The following RNF38 variants were observed in gnomAD, a reference collection of about 807,000 sequenced individuals.
RNF38 encodes the protein E3 ubiquitin-protein ligase RNF38.
A neutral mutation model predicts 67.2 loss-of-function variants in RNF38; 15 were observed. The ratio of observed to expected loss-of-function variants is 0.22; its 90% CI spans 0.15 to 0.34. RNF38 has a LOEUF of 0.34. Ranked by LOEUF, RNF38 falls within the 10% of genes least tolerant of loss-of-function variation. The probability of loss-of-function intolerance (pLI) is 1.00; values close to 1 mark genes in which losing one functional copy is unlikely to be tolerated. For missense variants in RNF38, 524 were observed against 639.9 expected, an observed-to-expected ratio of 0.82 and a Z score of 1.95; for synonymous variants, 220 against 218.8, an observed-to-expected ratio of 1.01 and a Z score of -0.05.
At position 36,376,113 on chromosome 9, in the gene RNF38, T is replaced by C; in HGVS notation, c.177A>G (p.Pro59=). 3 of 1,582,056 alleles carry C rather than the reference T, an allele frequency of 1.9e-6. No individual in the cohort carries two copies. The highest frequency in any genetic ancestry group is 1.4e-5 in the African/African-American group (1 of 73,258). The part of the protein sequence containing the change: ...FKAFFQSEDS[P]SPKRQRLSHS... ...GAGAGAGGCGCTGTCTCTTAGGACT[T>C]GGACTATCTTCACTCTGCCAATGCA... is the stretch of plus-strand genomic sequence containing the variant. Residue 59 remains proline, a synonymous_variant, in exon 3 of 12, where the codon CCA becomes CCG. Transcript: ENST00000259605.
chr9:36,483,114 C>T (rs1840317295), intron 1 of RNF38, among the ~76,000 whole-genome samples: 1 of 152,142 alleles, frequency 6.6e-6, no homozygotes, highest in African/African-American at 2.4e-5. Flanking sequence ...CGGCCAGGCA[C>T]GGCTGTTCAC....
intron 3 of RNF38, among the ~76,000 whole-genome samples, chr9:36,375,662 A>G (rs1047960056): frequency 1.3e-5 from 2 of 152,234 alleles, no homozygotes; most frequent in African/African-American, 4.8e-5. Context: ...AGGCTAGTCC[A>G]CAACAATCTG....
chr9:36,467,282 G>C (rs74328784), intron 1 of RNF38, among the ~76,000 whole-genome samples: 6,574 of 137,334 alleles, frequency 0.048, 498 homozygotes, highest in African/African-American at 0.16. Context: ...TACATATATG[G>C]GTAACAGTAA....
At chr9:36,424,514 C>T in intron 2 of RNF38, 1 of 340,240 alleles carries the variant, frequency 2.9e-6, no homozygotes, top group Non-Finnish European at 4.2e-6. Context: ...CCCCACAAAT[C>T]ACACTCTTCT....
intron 2 of RNF38, among the ~76,000 whole-genome samples, chr9:36,385,261 T>C (rs1250431615): frequency 6.6e-6 from 1 of 152,044 alleles, no homozygotes; most frequent in Non-Finnish European, 1.5e-5. Flanking sequence ...CAACAACCGA[T>C]AACCAGCTCA....
intron 1 of RNF38, among the ~76,000 whole-genome samples, chr9:36,452,870 A>G (rs1839490301): frequency 6.6e-6 from 1 of 152,126 alleles, no homozygotes; most frequent in Admixed American, 6.6e-5. Context: ...ATGCCATTGT[A>G]TGGGCATACT....
chr9:36,389,132 G>A (rs1015960706), intron 2 of RNF38, among the ~76,000 whole-genome samples: 1 of 151,840 alleles, frequency 6.6e-6, no homozygotes, highest in Non-Finnish European at 1.5e-5. Context: ...TAAGGTTCAA[G>A]GAAAATAAGG....
chr9:36,344,356 A>AATTATATATCAAT (rs1372544012), intron 10 of RNF38, among the ~76,000 whole-genome samples: 4 of 152,162 alleles, frequency 2.6e-5, no homozygotes, highest in Non-Finnish European at 4.4e-5. Context: ...ATGGTATGTA[A>AATTATATATCAAT]ATTATATATC....
intron 2 of RNF38, among the ~76,000 whole-genome samples, chr9:36,389,707 C>T (rs1564032185): frequency 6.6e-6 from 1 of 152,172 alleles, no homozygotes; most frequent in Non-Finnish European, 1.5e-5. Context: ...TTCATACAAA[C>T]AGAAAATGAG....
chr9:36,477,341 T>G (rs934551585), intron 1 of RNF38, among the ~76,000 whole-genome samples: 1 of 150,706 alleles, frequency 6.6e-6, no homozygotes, highest in African/African-American at 2.4e-5. Flanking sequence ...AAAAAAAGAT[T>G]ACCTTGCAAT....
intron 2 of RNF38, among the ~76,000 whole-genome samples, chr9:36,385,933 C>T (rs746830274): frequency 7.9e-5 from 12 of 152,164 alleles, no homozygotes; most frequent in Non-Finnish European, 1.6e-4. Context: ...TCAAGCATCT[C>T]GACAACCAAC....
At chr9:36,378,369 G>C (rs1835936763) in intron 2 of RNF38, among the ~76,000 whole-genome samples, 1 of 151,792 alleles carries the variant, frequency 6.6e-6, no homozygotes. Context: ...GTAGAGACGG[G>C]GTTTCACCTT....
At chr9:36,365,973 T>C (rs768844718) in intron 4 of RNF38, among the ~76,000 whole-genome samples, 3 of 152,160 alleles carry the variant, frequency 2.0e-5, no homozygotes, top group Non-Finnish European at 2.9e-5. Flanking sequence ...CCAAGACTGA[T>C]AGTTAACTTC....
chr9:36,484,816 A>C (rs115323703), intron 1 of RNF38, among the ~76,000 whole-genome samples: 8,070 of 152,214 alleles, frequency 0.053, 660 homozygotes, highest in African/African-American at 0.18. Context: ...TATTTTAATG[A>C]GTGAGGCTAG....
At chr9:36,469,279 G>T (rs538418451) in intron 1 of RNF38, among the ~76,000 whole-genome samples, 1 of 152,208 alleles carries the variant, frequency 6.6e-6, no homozygotes, top group Admixed American at 6.5e-5. Flanking sequence ...GTGTTTTATG[G>T]AGTGCTATTC....
In RNF38 at chr9:36,362,322, C is replaced by T. The variant is rs568258522; in HGVS notation, c.571-4380G>A. On this transcript the variant is annotated intron_variant, in intron 4 of 11. Transcript: ENST00000259605. ...GCAGTGAGCCAAGATCGAGCCATTG[C>T]ACTCCAGCCTAGGCAACAAGAGCAA... is the stretch of plus-strand genomic sequence containing the variant. Among the ~76,000 whole-genome samples the T allele has an allele frequency of 1.2e-4, 18 of 151,454 alleles. No homozygotes were observed. The South Asian group carries it at 3.8e-3, about 32-fold the overall frequency.
intron 9 of RNF38, among the ~76,000 whole-genome samples, chr9:36,346,748 T>C (rs1833267765): frequency 6.6e-6 from 1 of 152,338 alleles, no homozygotes; most frequent in African/African-American, 2.4e-5. Context: ...GTCAACATTA[T>C]TTAGATAATT....
upstream of RNF38, among the ~76,000 whole-genome samples, chr9:36,403,354 C>A (rs2134172378): frequency 6.6e-6 from 1 of 152,354 alleles, no homozygotes; most frequent in Admixed American, 6.5e-5. Flanking sequence ...ATCGAAAAGG[C>A]TGCCACTAGC....
chr9:36,351,029 G>C, intron 9 of RNF38, 86 bp downstream of exon 9: 1 of 932,478 alleles, frequency 1.1e-6, no homozygotes, highest in Non-Finnish European at 1.7e-6. Context: ...CCAAAAGATT[G>C]GACACCTGTG....
Sources: allele counts gnomAD v4.1 joint callset (sites outside exome capture counted in the v4.1 genomes callset), GRCh38; gene constraint gnomAD v4.1.1; transcripts MANE v1.5; gene names NCBI Gene and HGNC (gene_info 2026-07-23, HGNC 2026-07-21).